Variants in KIAA2012 observed in about 807,000 individuals in gnomAD.
KIAA2012 encodes the protein uncharacterized protein KIAA2012.
A neutral mutation model predicts 150.6 loss-of-function variants in KIAA2012; 125 were observed. That is an observed-to-expected ratio of 0.83 (90% CI 0.72 to 0.96). KIAA2012 has a LOEUF of 0.96. KIAA2012 is among the 40% of genes least tolerant of loss of function. The pLI, the probability that KIAA2012 is intolerant of heterozygous loss-of-function variation, is 0.00. For synonymous variants in KIAA2012, 462 were observed against 504.7 expected (o/e 0.92, Z 1.13); for missense variants, 1,219 against 1,354.9 (o/e 0.90, Z 1.57).
At position 202,074,980 on chromosome 2, in the gene KIAA2012, C is replaced by T. The variant is rs1381172054; in HGVS notation, c.174C>T (p.Leu58=). 6.4e-7 allele frequency: 1 copy of T among 1,550,868 alleles called. No homozygotes were observed. The highest frequency in any genetic ancestry group is 2.0e-5 in the Admixed American group (1 of 51,012). ...KNNASQHSWS[L]FLPKTFSTRK... is the part of the protein sequence containing the mutation. ...ATGCCAGTCAGCACTCCTGGAGCCT[C>T]TTTCTCCCTAAAACTTTCAGTACTA... is the stretch of plus-strand genomic sequence containing the variant. Residue 58 remains leucine (L), a synonymous_variant, in exon 2 of 24, where the codon CTC becomes CTT. Coordinates refer to ENST00000498697, the MANE Select transcript of KIAA2012 (RefSeq NM_001277372.4).
chr2:202,147,652 T>C (rs1299873458), intron 13 of KIAA2012, among the ~76,000 whole-genome samples: 1 of 152,206 alleles, frequency 6.6e-6, no homozygotes, highest in African/African-American at 2.4e-5. Flanking sequence ...ACACCATTTT[T>C]TTTTCCTAGT....
Position 202,202,088 on chromosome 2 carries a change from C to G in KIAA2012, c.3408-341C>G, listed in dbSNP as rs193228702. Among the ~76,000 whole-genome samples the G allele has an allele frequency of 4.2e-4, 64 of 152,312 alleles. 1 individual carries two copies. Among genetic ancestry groups the G allele is most frequent in the African/African-American group, 1.5e-3 (61 of 41,566 alleles). ...GCTCAGGCTGATCTCAAACACCTGG[C>G]CTATCTGCCTGCCTCTACCTCCCAA... On this transcript the variant is annotated intron_variant, in intron 22 of 23. Transcript: ENST00000498697.
chr2:202,185,089 C>T (rs910622374), intron 16 of KIAA2012, among the ~76,000 whole-genome samples: 3 of 151,958 alleles, frequency 2.0e-5, no homozygotes, highest in African/African-American at 7.3e-5. Flanking sequence ...TAACTCTAAC[C>T]CTATGGGAAC....
intron 13 of KIAA2012, among the ~76,000 whole-genome samples, chr2:202,152,801 G>C (rs1216406868): frequency 6.6e-6 from 1 of 152,164 alleles, no homozygotes; most frequent in Admixed American, 6.6e-5. Flanking sequence ...AATGATGACT[G>C]TTTGTGGGGA....
chr2:202,156,052 G>A (rs773488752), intron 14 of KIAA2012, among the ~76,000 whole-genome samples: 24 of 152,128 alleles, frequency 1.6e-4, no homozygotes, highest in Non-Finnish European at 3.2e-4. Flanking sequence ...GGAAAATGGG[G>A]TACTGAAAAC....
In KIAA2012 at chr2:202,166,923, T is replaced by G. The variant is rs1397284575; in HGVS notation, c.2119+1567T>G. Among the ~76,000 whole-genome samples, 4 of 152,112 alleles carry G rather than the reference T, an allele frequency of 2.6e-5. No individual in the cohort carries two copies. The East Asian group carries it at 7.7e-4, about 29-fold the overall frequency. On this transcript the variant is annotated intron_variant, in intron 15 of 23. Transcript: ENST00000498697. ...TGCTCTGGCTTTAAATACAAAACTTTCCACTTTCAGAGGCTGAGGCGGGCA... is the reference window on the plus strand; with the variant it reads ...TGCTCTGGCTTTAAATACAAAACTTGCCACTTTCAGAGGCTGAGGCGGGCA...
chr2:202,176,055 T>C (rs1339251230), intron 15 of KIAA2012, among the ~76,000 whole-genome samples: 6 of 152,194 alleles, frequency 3.9e-5, no homozygotes, highest in Admixed American at 6.5e-5. Flanking sequence ...CCTCACAAAA[T>C]ATCAGGTGTA....
At chr2:202,176,524 A>C (rs531883180) in intron 15 of KIAA2012, among the ~76,000 whole-genome samples, 4 of 152,314 alleles carry the variant, frequency 2.6e-5, no homozygotes, top group Non-Finnish European at 5.9e-5. Context: ...TAAAGTTTGA[A>C]GTTTTCAACA....
intron 7 of KIAA2012, 76 bp downstream of exon 7, chr2:202,100,525 G>A: frequency 7.0e-7 from 1 of 1,436,928 alleles, no homozygotes; most frequent in Non-Finnish European, 9.3e-7. Context: ...TCCTAATCTA[G>A]AAATAAGGTG....
At chr2:202,133,030 A>G (rs56302504) in intron 12 of KIAA2012, among the ~76,000 whole-genome samples, 36,322 of 134,824 alleles carry the variant, frequency 0.27, 5,065 homozygotes, top group South Asian at 0.3. Context: ...GCGTGAACCT[A>G]GGAGGTGGAG....
intron 2 of KIAA2012, 44 bp downstream of exon 2, chr2:202,075,219 A>C: frequency 6.7e-7 from 1 of 1,485,608 alleles, no homozygotes; most frequent in Non-Finnish European, 8.9e-7. Flanking sequence ...TGCTGGTAGC[A>C]TGTCTAGAAA....
intron 13 of KIAA2012, among the ~76,000 whole-genome samples, chr2:202,154,105 T>G (rs1028042618): frequency 1.2e-4 from 19 of 152,234 alleles, no homozygotes; most frequent in Non-Finnish European, 2.6e-4. Flanking sequence ...CTCTGTTAGC[T>G]CATTCTTCTT....
rs1331342403 is a variant in KIAA2012, at chr2:202,183,734, G to A, written c.2120-1019G>A. 5.3e-5 allele frequency among the ~76,000 whole-genome samples: 8 copies of A among 152,088 alleles called. No homozygotes were observed. In the East Asian group the frequency reaches 7.7e-4, roughly 15 times the overall value. On this transcript the variant is annotated intron_variant, in intron 15 of 23. Coordinates refer to ENST00000498697, the MANE Select transcript of KIAA2012 (RefSeq NM_001277372.4). ...TTAGCCAGGCTGGTCTCCAACTCCC[G>A]ACCCCAGGTGATCTGCCTGCCTTGG...
At chr2:202,197,066 G>A (rs1692429927) in intron 22 of KIAA2012, 47 bp downstream of exon 22, 1 of 1,549,464 alleles carries the variant, frequency 6.5e-7, no homozygotes, top group South Asian at 1.2e-5. Flanking sequence ...TGGTTCAAGG[G>A]CTTCACTGTC....
At chr2:202,201,762 T>A in intron 22 of KIAA2012, 1 of 1,347,996 alleles carries the variant, frequency 7.4e-7, no homozygotes, top group Non-Finnish European at 1.1e-6. Flanking sequence ...GAGCTCTGAG[T>A]AGGCAGTCGG....
At position 202,190,299 on chromosome 2, in the gene KIAA2012, G is replaced by A. The variant is rs1386674923; in HGVS notation, c.2617G>A (p.Glu873Lys). Residue 873 changes from glutamate (E) to lysine (K), a missense_variant, in exon 19 of 24, where the codon GAG (glutamate) becomes AAG (lysine). By Grantham distance (56) the Glu-to-Lys change is moderately conservative. Coordinates refer to ENST00000498697, the MANE Select transcript of KIAA2012 (RefSeq NM_001277372.4). ...GCTGAGCGGGCCTGATGTCAGCTAT[G>A]AGGAAACAGAAGACACCTCAAATAG... is the stretch of plus-strand genomic sequence containing the variant. ...AELSGPDVSY[E>K]ETEDTSNRGS... 2.4e-5 allele frequency: 37 copies of A among 1,550,472 alleles called. No homozygotes were observed. In the East Asian group the frequency reaches 9.0e-4, roughly 38 times the overall value.
In KIAA2012 at chr2:202,196,997, A is replaced by G; in HGVS notation, c.3385A>G (p.Lys1129Glu). The change falls in exon 22 of 24, where the codon AAA (lysine) becomes GAA (glutamate). Residue 1129 changes from lysine to glutamate, a missense_variant. Coordinates refer to ENST00000498697, the MANE Select transcript of KIAA2012 (RefSeq NM_001277372.4). ...AAGACTGGCTCTGGAAGAAGCCACG[A>G]AACAAGCCCAGGAACAAGCCAGGTA... ...AARLALEEATKQAQEQARQKA... is the reference protein window; with the variant it reads ...AARLALEEATEQAQEQARQKA... 1.9e-6 allele frequency: 3 copies of G among 1,550,666 alleles called. No individual in the cohort carries two copies. Among genetic ancestry groups the G allele is most frequent in the Non-Finnish European group, 2.6e-6 (3 of 1,146,994 alleles).
chr2:202,091,386 C>T (rs1689715336), intron 3 of KIAA2012, among the ~76,000 whole-genome samples: 1 of 152,196 alleles, frequency 6.6e-6, no homozygotes, highest in African/African-American at 2.4e-5. Flanking sequence ...CCCAACATTC[C>T]TTAGTACCCC....
At chr2:202,158,182 G>A (rs1338924446) in intron 14 of KIAA2012, among the ~76,000 whole-genome samples, 1 of 152,130 alleles carries the variant, frequency 6.6e-6, no homozygotes, top group Non-Finnish European at 1.5e-5. Context: ...TTTTAGTAGA[G>A]ACGGGGTTTC....
Sources: gnomAD v4.1 joint callset for allele counts (sites outside exome capture counted in the v4.1 genomes callset) on GRCh38, gnomAD v4.1.1 for gene constraint, MANE v1.5 for transcripts, NCBI Gene and HGNC (gene_info 2026-07-23, HGNC 2026-07-21) for gene names.